Variants in ZMYM5 observed in about 807,000 individuals in gnomAD.
ZMYM5 encodes the protein zinc finger MYM-type containing 5, also known as zinc finger MYM-type protein 5.
A neutral mutation model predicts 61.8 loss-of-function variants in ZMYM5; 41 were observed. The ratio of observed to expected loss-of-function variants is 0.66; its 90% CI spans 0.52 to 0.86. ZMYM5 has a LOEUF of 0.86. Among genes scored for constraint, ZMYM5 ranks in the 40% least tolerant of loss-of-function variants. The probability of loss-of-function intolerance (pLI) is 0.00; values close to 1 mark genes in which losing one functional copy is unlikely to be tolerated. For synonymous variants in ZMYM5, 257 were observed against 276.4 expected, an observed-to-expected ratio of 0.93 and a Z score of 0.70; for missense variants, 706 against 786.7, an observed-to-expected ratio of 0.90 and a Z score of 1.23.
At chr13:19,830,774 C>T (rs148284802) in intron 7 of ZMYM5, among the ~76,000 whole-genome samples, 1,686 of 152,126 alleles carry the variant, frequency 0.011, 33 homozygotes, top group African/African-American at 0.039. Flanking sequence ...GATCCACTCG[C>T]CTCAGCCTCC....
intron 4 of ZMYM5, among the ~76,000 whole-genome samples, chr13:19,848,064 G>A (rs1953148346): frequency 6.6e-6 from 1 of 151,702 alleles, no homozygotes; most frequent in South Asian, 2.1e-4. Context: ...TCAGCATCCT[G>A]AGATCAAGCA....
At chr13:19,838,647 T>C (rs947648885) in intron 5 of ZMYM5, 53 bp downstream of exon 5, 2 of 1,585,770 alleles carry the variant, frequency 1.3e-6, no homozygotes, top group Middle Eastern at 1.7e-4. Flanking sequence ...TGAGTACTTA[T>C]TTATACCATT....
rs1712496361 is a variant in ZMYM5 at position 19,851,960 on chromosome 13, G to A, written c.221C>T (p.Pro74Leu). The A allele has an allele frequency of 3.1e-6, 5 of 1,613,850 alleles. No individual in the cohort carries two copies. Among genetic ancestry groups the A allele is most frequent in the African/African-American group, 1.3e-5 (1 of 74,898 alleles). ...ESIQPPSISAPAIADQRNFIF... is the reference protein window; with the variant it reads ...ESIQPPSISALAIADQRNFIF... ...GAAGTTTCTTTGATCAGCTATTGCT[G>A]GAGCAGAAATTGAAGGAGGTTGTAT... The change falls in exon 3 of 8, where the codon CCA becomes CTA. Residue 74 changes from proline (P) to leucine (L), a missense_variant. Pro to Leu is a moderately conservative substitution (Grantham distance 98). Transcript: ENST00000337963.
intron 2 of ZMYM5, among the ~76,000 whole-genome samples, chr13:19,858,457 T>C (rs986304194): frequency 1.3e-5 from 2 of 150,976 alleles, no homozygotes; most frequent in Non-Finnish European, 3.0e-5. Context: ...TAGTGGCACA[T>C]GGTTGTGGTC....
chr13:19,841,915 T>C (rs8001593), intron 4 of ZMYM5: 14,930 of 152,142 alleles, frequency 0.098, 864 homozygotes, highest in African/African-American at 0.16. Context: ...CTCCTGGGTT[T>C]GCACCATTCT....
At chr13:19,840,112 A>G (rs756099178) in intron 4 of ZMYM5, among the ~76,000 whole-genome samples, 1 of 152,218 alleles carries the variant, frequency 6.6e-6, no homozygotes, top group Non-Finnish European at 1.5e-5. Context: ...ACAAGGTTCT[A>G]TGATAAAGAA....
At chr13:19,861,726 ATT>A (rs1953769867) in intron 2 of ZMYM5, among the ~76,000 whole-genome samples, 1 of 152,062 alleles carries the variant, frequency 6.6e-6, no homozygotes, top group African/African-American at 2.4e-5. Flanking sequence ...AAAAAAAATC[ATT>A]TTGTCACTCC....
At chr13:19,851,276 A>G in intron 4 of ZMYM5, 79 bp downstream of exon 4, 1 of 1,279,504 alleles carries the variant, frequency 7.8e-7, no homozygotes, top group South Asian at 1.3e-5. Context: ...AATGTGAATA[A>G]AATAGATATG....
chr13:19,851,810 T>A lies in ZMYM5; in HGVS notation c.371A>T (p.Asp124Val), dbSNP rs770037056. 2.1e-5 allele frequency: 34 copies of A among 1,612,814 alleles called. No homozygotes were observed. Among genetic ancestry groups the A allele is most frequent in the Non-Finnish European group, 2.8e-5 (33 of 1,179,814 alleles). Residue 124 changes from aspartate to valine, a missense_variant, in exon 3 of 8, where the codon GAC (aspartate) becomes GTC (valine). By Grantham distance (152) the Asp-to-Val change is radical (BLOSUM62 -3). Transcript: ENST00000337963. The stretch of plus-strand genomic sequence containing the variant: ...CTCTGCTCCTCCATTTGTTTCTATG[T>A]CCTCTTCATCATCAATAACAATTGT... ...SETIVIDDEE[D>V]IETNGGAEKK...
intron 4 of ZMYM5, chr13:19,841,718 T>C (rs1952885310): frequency 1.3e-5 from 2 of 152,136 alleles, no homozygotes; most frequent in Admixed American, 6.5e-5. Context: ...GTACTGTTTA[T>C]ACAAAAGTAT....
intron 7 of ZMYM5, among the ~76,000 whole-genome samples, chr13:19,830,543 A>G (rs982924196): frequency 6.6e-6 from 1 of 151,796 alleles, no homozygotes; most frequent in African/African-American, 2.4e-5. Context: ...CCTGGCTAAC[A>G]TATAATTTTT....
chr13:19,855,477 T>C (rs1160302829), intron 2 of ZMYM5, among the ~76,000 whole-genome samples: 1 of 151,574 alleles, frequency 6.6e-6, no homozygotes, highest in African/African-American at 2.4e-5. Flanking sequence ...TTAGCCAGGA[T>C]GGTCTCAATC....
chr13:19,830,803 G>A (rs1891168397), intron 7 of ZMYM5, among the ~76,000 whole-genome samples: 1 of 149,382 alleles, frequency 6.7e-6, no homozygotes, highest in African/African-American at 2.5e-5. Flanking sequence ...GAGACACCTC[G>A]CCCGGCCTTT....
At position 19,851,908 on chromosome 13, in the gene ZMYM5, C is replaced by A. The variant is rs375978643; in HGVS notation, c.273G>T (p.Lys91Asn). Residue 91 changes from lysine to asparagine, a missense_variant, in exon 3 of 8, where the codon AAG becomes AAT. This residue lies in a region of ZMYM5 where 480 missense variants were observed against 461.7 expected (regional missense o/e 1.04). Transcript: ENST00000337963. The part of the protein sequence containing the change: ...NFIFASSKNE[K>N]PQGNYSVIPP... ...GAATTACAGAATAATTTCCTTGAGG[C>A]TTTTCATTTTTTGATGATGCAAATA... The A allele has an allele frequency of 1.2e-6, 2 of 1,612,724 alleles. No homozygotes were observed. The highest frequency in any genetic ancestry group is 2.2e-5 in the South Asian group (2 of 90,644).
intron 7 of ZMYM5, among the ~76,000 whole-genome samples, chr13:19,826,749 C>T (rs977511019): frequency 3.4e-5 from 5 of 146,252 alleles, no homozygotes; most frequent in East Asian, 2.0e-4. Flanking sequence ...AGGGAGACTC[C>T]GTCTCGTTAA....
At chr13:19,840,973 G>T (rs1318820503) in intron 4 of ZMYM5, among the ~76,000 whole-genome samples, 3 of 146,308 alleles carry the variant, frequency 2.1e-5, no homozygotes, top group Non-Finnish European at 3.0e-5. Context: ...CACCGCGCCC[G>T]GCCCACCTGG....
At chr13:19,851,092 C>T (rs1473593489) in intron 4 of ZMYM5, among the ~76,000 whole-genome samples, 2 of 151,952 alleles carry the variant, frequency 1.3e-5, no homozygotes, top group African/African-American at 2.4e-5. Flanking sequence ...GCCTGTAATC[C>T]CATCTACTCA....
intron 2 of ZMYM5, among the ~76,000 whole-genome samples, chr13:19,859,380 T>C (rs1238831373): frequency 6.6e-6 from 1 of 152,138 alleles, no homozygotes; most frequent in Non-Finnish European, 1.5e-5. Flanking sequence ...ATTTGCTTTT[T>C]AGTTCCCGTT....
intron 7 of ZMYM5, among the ~76,000 whole-genome samples, chr13:19,829,836 CTTT>C (rs532737923): frequency 1.3e-5 from 2 of 152,034 alleles, no homozygotes; most frequent in African/African-American, 4.8e-5. Context: ...TATTTACTGA[CTTT>C]TTTTTCCTCC....
Sources: allele counts gnomAD v4.1 joint callset (sites outside exome capture counted in the v4.1 genomes callset), GRCh38; gene constraint gnomAD v4.1.1; regional missense constraint gnomAD v4.1.1; transcripts MANE v1.5; gene names NCBI Gene and HGNC (gene_info 2026-07-23, HGNC 2026-07-21).